The following PDE4D variants were observed in gnomAD, a reference collection of about 807,000 sequenced individuals.
PDE4D encodes 3',5'-cyclic-AMP phosphodiesterase 4D.
Under a neutral mutation model 87.4 loss-of-function variants are expected in PDE4D, and 24 were observed. The observed-to-expected ratio is 0.27, with a 90% CI of 0.20 to 0.39. The LOEUF is 0.39. Ranked by LOEUF, PDE4D falls within the 10% of genes least tolerant of loss-of-function variation. The pLI is 1.00. For missense variants in PDE4D, 714 were observed against 1,041.0 expected, an observed-to-expected ratio of 0.69 and a Z score of 4.32; for synonymous variants, 384 against 383.2, an observed-to-expected ratio of 1.00 and a Z score of -0.02.
At chr5:59,786,875 A>T (rs1304060293) in intron 1 of PDE4D, among the ~76,000 whole-genome samples, 2 of 152,012 alleles carry the variant, frequency 1.3e-5, no homozygotes, top group Non-Finnish European at 2.9e-5. Context: ...TTTTTTTTCC[A>T]CCTATCTAAA....
intron 1 of PDE4D, among the ~76,000 whole-genome samples, chr5:60,215,458 C>A (rs910168907): frequency 6.6e-5 from 10 of 152,060 alleles, no homozygotes; most frequent in African/African-American, 2.2e-4. Flanking sequence ...TCTCTTACCC[C>A]AACCCTCAAG....
intron 1 of PDE4D, among the ~76,000 whole-genome samples, chr5:59,294,500 T>C (rs767794108): frequency 1.0e-3 from 159 of 152,238 alleles, no homozygotes; most frequent in Non-Finnish European, 1.1e-3. Flanking sequence ...CAGTGTCAGA[T>C]GGTGGTGAGG....
chr5:60,512,510 T>A (rs1750622987), intron 1 of PDE4D, among the ~76,000 whole-genome samples: 1 of 152,092 alleles, frequency 6.6e-6, no homozygotes, highest in African/African-American at 2.4e-5. Context: ...AAAAGAAGTA[T>A]GGGTTTGTGG....
At chr5:59,729,165 C>A (rs977854031) in intron 1 of PDE4D, among the ~76,000 whole-genome samples, 1 of 152,086 alleles carries the variant, frequency 6.6e-6, no homozygotes, top group African/African-American at 2.4e-5. Flanking sequence ...CTTGGCCTGA[C>A]ACATAGGCCT....
chr5:59,376,434 A>G (rs754214458), intron 1 of PDE4D, among the ~76,000 whole-genome samples: 2 of 152,164 alleles, frequency 1.3e-5, no homozygotes, highest in Non-Finnish European at 2.9e-5. Flanking sequence ...CCCATTCACA[A>G]TCACCACAAA....
At chr5:59,587,745 G>T in intron 1 of PDE4D, 1 of 283,140 alleles carries the variant, frequency 3.5e-6, no homozygotes, top group Non-Finnish European at 5.3e-6. Flanking sequence ...TAACCTCCAA[G>T]TAAGAGCAAG....
rs375866451 is a variant in PDE4D, at chr5:59,324,548, T to G, written c.456-108580A>C. Among the ~76,000 whole-genome samples, 6 of 152,276 alleles carry G rather than the reference T, an allele frequency of 3.9e-5. No individual in the cohort carries two copies. In the East Asian group the frequency reaches 7.7e-4, roughly 20 times the overall value. The stretch of plus-strand genomic sequence containing the variant: ...CCATCTGGAAATGATTTTTTTTCTT[T>G]CTTAAAAGAAGACGTAAAAAGAAGA... On this transcript the variant is annotated intron_variant, in intron 1 of 14. Transcript: ENST00000340635.
At chr5:60,283,371 T>C (rs1293751894) in intron 1 of PDE4D, among the ~76,000 whole-genome samples, 1 of 152,170 alleles carries the variant, frequency 6.6e-6, no homozygotes, top group African/African-American at 2.4e-5. Context: ...ACTCAAAGTA[T>C]ACTTTTTTGT....
At chr5:59,586,055 G>C (rs1291473808) in intron 1 of PDE4D, among the ~76,000 whole-genome samples, 10 of 152,048 alleles carry the variant, frequency 6.6e-5, no homozygotes, top group African/African-American at 2.2e-4. Flanking sequence ...TTAAATTGTT[G>C]CCATTCTCAA....
At chr5:60,378,816 G>A (rs1761631787) in intron 1 of PDE4D, among the ~76,000 whole-genome samples, 1 of 151,894 alleles carries the variant, frequency 6.6e-6, no homozygotes, top group African/African-American at 2.4e-5. Flanking sequence ...GAGCACCACT[G>A]CACTCCAGCC....
intron 1 of PDE4D, among the ~76,000 whole-genome samples, chr5:60,384,056 A>G (rs1762042083): frequency 6.6e-6 from 1 of 152,224 alleles, no homozygotes; most frequent in Non-Finnish European, 1.5e-5. Context: ...CAAAATTCAA[A>G]GGGGCATCAG....
chr5:60,219,729 G>A (rs1274136972), intron 1 of PDE4D, among the ~76,000 whole-genome samples: 3 of 152,142 alleles, frequency 2.0e-5, no homozygotes, highest in African/African-American at 4.8e-5. Flanking sequence ...AACTAAGGCC[G>A]GGACCTTAGA....
rs149746140 is a variant in PDE4D, at chr5:58,986,197, T to A, written c.1552+2296A>T. Among the ~76,000 whole-genome samples, 1,445 of 152,344 alleles carry A rather than the reference T, an allele frequency of 9.5e-3. 9 individuals are homozygous for A. Among genetic ancestry groups the A allele is most frequent in the Non-Finnish European group, 0.016 (1,061 of 68,026 alleles). On this transcript the variant is annotated intron_variant, in intron 11 of 14. Coordinates refer to ENST00000340635, the MANE Select transcript of PDE4D (RefSeq NM_001104631.2). The stretch of plus-strand genomic sequence containing the variant: ...TAGTTATCCTTCCATCCCAGGCAGG[T>A]CACCAGCAAAATGACTTTAAACAGA...
At chr5:60,184,561 G>A (rs979283224) in intron 2 of PDE4D, among the ~76,000 whole-genome samples, 8 of 152,066 alleles carry the variant, frequency 5.3e-5, no homozygotes, top group Non-Finnish European at 7.4e-5. Context: ...TATTAAACAC[G>A]GTATTCAGTC....
chr5:59,041,252 C>G (rs538565299), intron 5 of PDE4D, among the ~76,000 whole-genome samples: 46 of 152,280 alleles, frequency 3.0e-4, no homozygotes, highest in Non-Finnish European at 5.9e-4. Flanking sequence ...AAAAATATTA[C>G]ATGCTTGTTA....
intron 1 of PDE4D, among the ~76,000 whole-genome samples, chr5:59,265,868 C>T (rs1265976566): frequency 1.3e-5 from 2 of 151,890 alleles, no homozygotes; most frequent in East Asian, 1.9e-4. Flanking sequence ...GTTAAGTACA[C>T]AATAAATACA....
intron 1 of PDE4D, among the ~76,000 whole-genome samples, chr5:60,487,339 T>A (rs1377246931): frequency 6.6e-6 from 1 of 152,374 alleles, no homozygotes; most frequent in Non-Finnish European, 1.5e-5. Flanking sequence ...GCATGGTTTT[T>A]CATTCAGCCC....
At chr5:60,323,586 C>T (rs768267867) in intron 1 of PDE4D, among the ~76,000 whole-genome samples, 6 of 152,130 alleles carry the variant, frequency 3.9e-5, no homozygotes, top group Non-Finnish European at 7.4e-5. Context: ...CTCACCAATA[C>T]TTATGTGCCA....
intron 1 of PDE4D, among the ~76,000 whole-genome samples, chr5:60,186,020 G>T (rs1229001901): frequency 6.6e-6 from 1 of 151,412 alleles, no homozygotes; most frequent in Non-Finnish European, 1.5e-5. Flanking sequence ...TGTATATGTT[G>T]ATTCTTGTTG....
Sources: allele counts gnomAD v4.1 joint callset (sites outside exome capture counted in the v4.1 genomes callset), GRCh38; gene constraint gnomAD v4.1.1; transcripts MANE v1.5; gene names NCBI Gene and HGNC (gene_info 2026-07-23, HGNC 2026-07-21).